NEMF: variants seen among roughly 807,000 people sequenced by gnomAD.
The protein encoded by NEMF is ribosome quality control complex subunit NEMF.
Under a neutral mutation model 162.2 loss-of-function variants are expected in NEMF, and 89 were observed. That is an observed-to-expected ratio of 0.55 (90% CI 0.46 to 0.65). NEMF has a LOEUF of 0.65. NEMF is among the 30% of genes least tolerant of loss of function. The pLI is 0.00. For synonymous variants in NEMF, 421 were observed against 404.5 expected (o/e 1.04, Z -0.49); for missense variants, 1,133 against 1,261.9 (o/e 0.90, Z 1.55).
chr14:49,846,319 T>C (rs1893499898), intron 3 of NEMF, 54 bp from the exon 4 acceptor site: 1 of 1,534,840 alleles, frequency 6.5e-7, no homozygotes, highest in African/African-American at 1.4e-5. Context: ...TCCTAACCAT[T>C]TGGTATTGGT....
chr14:49,837,615 GCTTT>G (rs1229305768), intron 6 of NEMF, among the ~76,000 whole-genome samples: 1 of 152,126 alleles, frequency 6.6e-6, no homozygotes, highest in African/African-American at 2.4e-5. Flanking sequence ...ACTTTTGAAT[GCTTT>G]CTAATTTCAT....
rs907679662 is a variant in NEMF, at chr14:49,784,591, G to A, written c.*45C>T. ...GCTTTCATCTTTGAACTTCCAAAAGGCTATAAAATTGGCTCTTCTCAAATA... is the reference window on the plus strand; with the variant it reads ...GCTTTCATCTTTGAACTTCCAAAAGACTATAAAATTGGCTCTTCTCAAATA... On this transcript the variant is annotated 3_prime_UTR_variant, in exon 33 of 33. Transcript: ENST00000298310. The A allele has an allele frequency of 3.8e-6, 5 of 1,331,642 alleles. No homozygotes were observed. The highest frequency in any genetic ancestry group is 2.3e-5 in the East Asian group (1 of 43,358). 82.5% of individuals were successfully genotyped at this position (1,331,642 alleles called of 1,614,324 possible).
chr14:49,828,177 A>G, intron 15 of NEMF, 114 bp downstream of exon 15: 1 of 798,828 alleles, frequency 1.3e-6, no homozygotes, highest in Non-Finnish European at 2.2e-6. Context: ...AGCAAAGTTA[A>G]GTTTGAAAGA....
intron 6 of NEMF, among the ~76,000 whole-genome samples, chr14:49,835,953 A>G (rs1239644856): frequency 6.6e-6 from 1 of 152,242 alleles, no homozygotes; most frequent in African/African-American, 2.4e-5. Context: ...AAAGATCTAA[A>G]TAAATAGTCA....
At chr14:49,831,785 G>T (rs903888003) in intron 10 of NEMF, among the ~76,000 whole-genome samples, 1 of 152,162 alleles carries the variant, frequency 6.6e-6, no homozygotes. Context: ...ACCACTCAAA[G>T]AACTTGAACA....
chr14:49,844,731 G>GCA (rs1393382473), intron 4 of NEMF: 190 of 70,686 alleles, frequency 2.7e-3, no homozygotes, highest in African/African-American at 0.013. Context: ...GCACGCGCAC[G>GCA]CGCGCGCACA....
intron 1 of NEMF, among the ~76,000 whole-genome samples, chr14:49,852,322 G>A (rs554204369): frequency 6.6e-6 from 1 of 152,302 alleles, no homozygotes; most frequent in African/African-American, 2.4e-5. Context: ...GTGAGGGGAG[G>A]GAGGTGTTCA....
intron 5 of NEMF, 109 bp from the exon 6 acceptor site, chr14:49,838,315 T>A: frequency 1.2e-6 from 1 of 805,320 alleles, no homozygotes; most frequent in South Asian, 1.8e-5. Context: ...TTTACAATAA[T>A]CTGAAACGTA....
chr14:49,790,523 T>A (rs1419989131), intron 26 of NEMF, among the ~76,000 whole-genome samples: 1 of 152,110 alleles, frequency 6.6e-6, no homozygotes, highest in Non-Finnish European at 1.5e-5. Flanking sequence ...ATACCAAGTG[T>A]TACTACGGAT....
At chr14:49,800,208 T>G (rs1156951289) in intron 23 of NEMF, among the ~76,000 whole-genome samples, 1 of 152,174 alleles carries the variant, frequency 6.6e-6, no homozygotes, top group Non-Finnish European at 1.5e-5. Flanking sequence ...TTGTTTCTAT[T>G]TGGATCTAGT....
At chr14:49,802,414 A>T in intron 22 of NEMF, 39 bp downstream of exon 22, 1 of 1,602,254 alleles carries the variant, frequency 6.2e-7, no homozygotes, top group South Asian at 1.1e-5. Context: ...TAGGTAACAA[A>T]AAACATCACA....
rs756215934 is a variant in NEMF, at chr14:49,840,775, C to T, written c.449G>A (p.Arg150His). 1.1e-5 allele frequency: 18 copies of T among 1,613,864 alleles called. No homozygotes were observed. In the East Asian group the frequency reaches 3.1e-4, roughly 28 times the overall value. Residue 150 changes from arginine (R) to histidine (H), a missense_variant, in exon 5 of 33, where the codon CGT becomes CAT. Arg to His is a conservative substitution (Grantham distance 29, BLOSUM62 0). This residue lies in a region of NEMF where 582 missense variants were observed against 631.5 expected (regional missense o/e 0.92). Coordinates refer to ENST00000298310, the MANE Select transcript of NEMF (RefSeq NM_004713.6). ...DEADDVKFAV[R>H]ERYPLDHARA... ...AGCATGATCAAGTGGATAGCGTTCA[C>T]GAACAGCAAATTTAACATCATCTGC...
intron 3 of NEMF, among the ~76,000 whole-genome samples, chr14:49,850,618 T>G (rs1192147674): frequency 6.6e-6 from 1 of 151,610 alleles, no homozygotes; most frequent in Non-Finnish European, 1.5e-5. Flanking sequence ...AAAGAATGGG[T>G]AGCATGCCCA....
intron 16 of NEMF, among the ~76,000 whole-genome samples, chr14:49,824,403 C>T (rs908309057): frequency 4.0e-5 from 6 of 151,388 alleles, no homozygotes; most frequent in African/African-American, 1.2e-4. Context: ...ATTAGCCAGG[C>T]GTGGTGGTGG....
intron 16 of NEMF, among the ~76,000 whole-genome samples, chr14:49,818,834 C>T (rs1019042730): frequency 6.6e-6 from 1 of 152,092 alleles, no homozygotes; most frequent in Non-Finnish European, 1.5e-5. Context: ...AAAAAAGAAT[C>T]TTTTCTGGGA....
chr14:49,831,466 C>T lies in NEMF; in HGVS notation c.883-105G>A, dbSNP rs191619659. ...TTTTTCTTTTTTTTTGAGACAGAGT[C>T]TCACTCTGTTGCCCAGGCGGGACTG... On this transcript the variant is annotated intron_variant, in intron 10 of 32. Transcript: ENST00000298310. 5 of 726,680 alleles carry T rather than the reference C, an allele frequency of 6.9e-6. No homozygotes were observed. In the East Asian group the frequency reaches 1.3e-4, roughly 19 times the overall value. The allele number at this position is 726,680 out of a possible 1,614,324, so 45.0% of individuals were successfully genotyped here.
intron 10 of NEMF, 94 bp downstream of exon 10, chr14:49,831,957 C>G: frequency 1.3e-6 from 1 of 764,266 alleles, no homozygotes; most frequent in East Asian, 2.8e-5. Context: ...GAATGTAAAG[C>G]AAGTATAGTT....
intron 30 of NEMF, 42 bp from the exon 31 acceptor site, chr14:49,785,177 A>C (rs531650499): frequency 1.9e-6 from 3 of 1,603,824 alleles, no homozygotes; most frequent in East Asian, 2.2e-5. Context: ...AGACGTTACA[A>C]AACAATTCAC....
At chr14:49,787,412 G>T (rs952493663) in intron 28 of NEMF, among the ~76,000 whole-genome samples, 3 of 152,232 alleles carry the variant, frequency 2.0e-5, no homozygotes, top group Non-Finnish European at 2.9e-5. Context: ...TAGGCTGGGT[G>T]TGGTGGCTCA....
Sources: gnomAD v4.1 joint callset for allele counts (sites outside exome capture counted in the v4.1 genomes callset) on GRCh38, gnomAD v4.1.1 for gene constraint, gnomAD v4.1.1 regional missense constraint, MANE v1.5 for transcripts, NCBI Gene and HGNC (gene_info 2026-07-23, HGNC 2026-07-21) for gene names.